CCDC91: variants seen among roughly 807,000 people sequenced by gnomAD.
The protein encoded by CCDC91 is coiled-coil domain containing 91.
A neutral mutation model predicts 63.2 loss-of-function variants in CCDC91; 48 were observed. That is an observed-to-expected ratio of 0.76 (90% CI 0.60 to 0.97). The LOEUF (loss-of-function observed/expected upper bound fraction) is 0.97. CCDC91 is among the 50% of genes least tolerant of loss of function. The pLI, the probability that CCDC91 is intolerant of heterozygous loss-of-function variation, is 0.00. For missense variants in CCDC91, 500 were observed against 494.6 expected, an observed-to-expected ratio of 1.01 and a Z score of -0.10; for synonymous variants, 167 against 165.8, an observed-to-expected ratio of 1.01 and a Z score of -0.06.
chr12:28,385,552 A>G lies in CCDC91; in HGVS notation c.655-5752A>G, dbSNP rs79681115. 7.2e-5 allele frequency among the ~76,000 whole-genome samples: 11 copies of G among 152,278 alleles called. No homozygotes were observed. The East Asian group carries it at 2.1e-3, about 29-fold the overall frequency. On this transcript the variant is annotated intron_variant, in intron 7 of 12. Transcript: ENST00000536442. Reference sequence around the variant, plus strand: ...TATCTTTATATTGTTCTCCATTTGTAAAGTATGACTTAATGGGTTGTTAGA... The same window carrying G: ...TATCTTTATATTGTTCTCCATTTGTGAAGTATGACTTAATGGGTTGTTAGA...
At chr12:28,455,807 ATTT>A (rs1012667107) in intron 11 of CCDC91, among the ~76,000 whole-genome samples, 3 of 151,954 alleles carry the variant, frequency 2.0e-5, no homozygotes, top group Admixed American at 2.0e-4. Flanking sequence ...CACTTTTCTA[ATTT>A]TTTTAGATGT....
rs747578231 is a variant in CCDC91 at position 28,549,089 on chromosome 12, C to G, written c.1242C>G (p.Ser414Arg). 6.8e-6 allele frequency: 11 copies of G among 1,611,852 alleles called. No individual in the cohort carries two copies. The African/African-American group carries it at 9.4e-5, about 14-fold the overall frequency. The change falls in exon 13 of 13, where the codon AGC becomes AGG. Residue 414 changes from serine to arginine, a missense_variant. Coordinates refer to ENST00000536442, the MANE Select transcript of CCDC91 (RefSeq NM_018318.5). ...TCGATCAAGTCATCCGCCAAAGAAG[C>G]CTGTCCAGTTTGGAACTGTTCCTCT... ...KRLDQVIRQR[S>R]LSSLELFLSC...
intron 8 of CCDC91, among the ~76,000 whole-genome samples, chr12:28,432,858 C>T (rs898527943): frequency 2.0e-5 from 3 of 152,096 alleles, no homozygotes; most frequent in African/African-American, 4.8e-5. Context: ...GAGAATTGCT[C>T]TTGCTCCACA....
intron 12 of CCDC91, among the ~76,000 whole-genome samples, chr12:28,502,146 TC>T (rs1199629055): frequency 6.6e-6 from 1 of 151,886 alleles, no homozygotes; most frequent in Non-Finnish European, 1.5e-5. Flanking sequence ...GTTGATCCTT[TC>T]AAAAAACCAG....
At chr12:28,444,038 G>A in intron 8 of CCDC91, among the ~76,000 whole-genome samples, 1 of 152,126 alleles carries the variant, frequency 6.6e-6, no homozygotes, top group African/African-American at 2.4e-5. Context: ...TTGGTCACAG[G>A]CCTCTAGGAA....
chr12:28,478,156 C>G (rs1951223480), intron 11 of CCDC91, among the ~76,000 whole-genome samples: 1 of 152,132 alleles, frequency 6.6e-6, no homozygotes, highest in African/African-American at 2.4e-5. Context: ...ATTGCCAAGT[C>G]AATCCTAAGC....
chr12:28,355,054 CT>C (rs1253138676), intron 6 of CCDC91, among the ~76,000 whole-genome samples: 3 of 152,024 alleles, frequency 2.0e-5, no homozygotes, highest in Non-Finnish European at 4.4e-5. Flanking sequence ...GCTGTCCTTC[CT>C]TTCCTTGATA....
chr12:28,508,353 G>A (rs777503846), intron 12 of CCDC91, among the ~76,000 whole-genome samples: 7 of 151,782 alleles, frequency 4.6e-5, no homozygotes, highest in Non-Finnish European at 8.8e-5. Flanking sequence ...CTCCTCTTAT[G>A]CTTGGTTGAA....
At chr12:28,536,332 C>A (rs999176792) in intron 12 of CCDC91, among the ~76,000 whole-genome samples, 1 of 152,162 alleles carries the variant, frequency 6.6e-6, no homozygotes, top group African/African-American at 2.4e-5. Context: ...AATGCCCCTG[C>A]AGGTTTTAAA....
At chr12:28,356,531 C>T (rs1020246600) in intron 6 of CCDC91, among the ~76,000 whole-genome samples, 2 of 151,942 alleles carry the variant, frequency 1.3e-5, no homozygotes, top group African/African-American at 4.8e-5. Context: ...GATTTCTTGC[C>T]CCACAGATTT....
Position 28,391,521 on chromosome 12 carries a change from G to A in CCDC91, c.762+110G>A, listed in dbSNP as rs1236977138. ...TGTTCCATTTACTTGGTGTATTTTG[G>A]AGAAAAAATGTGCTTATGTAAACTC... On this transcript the variant is annotated intron_variant, in intron 8 of 12. Coordinates refer to ENST00000536442, the MANE Select transcript of CCDC91 (RefSeq NM_018318.5). 15 of 597,088 alleles carry A rather than the reference G, an allele frequency of 2.5e-5. 1 individual carries two copies. The highest frequency in any genetic ancestry group is 4.0e-5 in the Non-Finnish European group (14 of 354,128). The allele number at this position is 597,088 out of a possible 1,614,324, so 37.0% of individuals were successfully genotyped here.
At chr12:28,538,253 C>T (rs1942341511) in intron 12 of CCDC91, among the ~76,000 whole-genome samples, 1 of 106,586 alleles carries the variant, frequency 9.4e-6, no homozygotes, top group African/African-American at 3.6e-5. Context: ...CTATCCCTCC[C>T]CCTTCCCCCC....
chr12:28,286,702 T>C (rs1948935103), intron 3 of CCDC91, among the ~76,000 whole-genome samples: 1 of 152,214 alleles, frequency 6.6e-6, no homozygotes, highest in South Asian at 2.1e-4. Context: ...ATACAACAAT[T>C]TATATTTCTT....
At chr12:28,391,461 C>T (rs373052370) in intron 8 of CCDC91, 50 bp downstream of exon 8, 5 of 1,108,980 alleles carry the variant, frequency 4.5e-6, no homozygotes, top group Admixed American at 1.7e-5. Context: ...CCCTGACTCT[C>T]TCCCCTGAGA....
At chr12:28,262,203 C>T (rs764470473) in intron 3 of CCDC91, among the ~76,000 whole-genome samples, 37 of 151,956 alleles carry the variant, frequency 2.4e-4, no homozygotes, top group Non-Finnish European at 4.9e-4. Context: ...GAAGAAAAGA[C>T]TAATTTTCTC....
intron 8 of CCDC91, among the ~76,000 whole-genome samples, chr12:28,397,475 C>T (rs750190399): frequency 7.3e-5 from 11 of 151,284 alleles, no homozygotes; most frequent in East Asian, 1.9e-4. Context: ...AATGTATGGG[C>T]GAGAGCCCCA....
rs1364783170 is a variant in CCDC91, at chr12:28,305,733, A to T, written c.194A>T (p.Asp65Val). 3 of 1,613,016 alleles carry T rather than the reference A, an allele frequency of 1.9e-6. No homozygotes were observed. The highest frequency in any genetic ancestry group is 3.3e-5 in the Admixed American group (2 of 59,912). The change falls in exon 4 of 13, where the codon GAT (aspartate) becomes GTT (valine). Residue 65 changes from aspartate (D) to valine (V), a missense_variant. Coordinates refer to ENST00000536442, the MANE Select transcript of CCDC91 (RefSeq NM_018318.5). ...HSSSIGCLSS[D>V]AIISSPENTH... ...TCTTCCATTGGCTGCCTCTCTTCTG[A>T]TGCCATTATTTCATCACCAGAGAAT... is the stretch of plus-strand genomic sequence containing the variant.
intron 12 of CCDC91, among the ~76,000 whole-genome samples, chr12:28,519,905 T>A (rs915104831): frequency 4.7e-4 from 71 of 151,988 alleles, no homozygotes; most frequent in African/African-American, 1.7e-3. Context: ...GAACTCTTCC[T>A]TTTTTATGGC....
chr12:28,379,431 C>G (rs1052226759), intron 7 of CCDC91, among the ~76,000 whole-genome samples: 1 of 106,194 alleles, frequency 9.4e-6, no homozygotes, highest in African/African-American at 3.6e-5. Flanking sequence ...CCAGAATCTA[C>G]AAAGAACTCA....
Sources: gnomAD v4.1 joint callset for allele counts (sites outside exome capture counted in the v4.1 genomes callset) on GRCh38, gnomAD v4.1.1 for gene constraint, MANE v1.5 for transcripts, NCBI Gene and HGNC (gene_info 2026-07-23, HGNC 2026-07-21) for gene names.